SLCO3A1: variants seen among roughly 807,000 people sequenced by gnomAD.
The protein encoded by SLCO3A1 is PGE1 transporter.
Under a neutral mutation model 63.1 loss-of-function variants are expected in SLCO3A1, and 27 were observed. The ratio of observed to expected loss-of-function variants is 0.43; its 90% CI spans 0.32 to 0.59. The LOEUF (loss-of-function observed/expected upper bound fraction) is 0.59, where lower values mean the gene tolerates loss of function less well. Ranked by LOEUF, SLCO3A1 falls within the 20% of genes least tolerant of loss-of-function variation. The pLI is 0.09. For missense variants in SLCO3A1, 773 were observed against 945.8 expected, an observed-to-expected ratio of 0.82 and a Z score of 2.40; for synonymous variants, 473 against 409.9, an observed-to-expected ratio of 1.15 and a Z score of -1.86.
chr15:91,858,601 C>T (rs1480822843), intron 1 of SLCO3A1, among the ~76,000 whole-genome samples: 1 of 152,202 alleles, frequency 6.6e-6, no homozygotes, highest in African/African-American at 2.4e-5. Context: ...ATTTTAGACA[C>T]CTTATGAAAA....
At chr15:91,976,854 G>A (rs1294651440) in intron 2 of SLCO3A1, among the ~76,000 whole-genome samples, 1 of 152,094 alleles carries the variant, frequency 6.6e-6, no homozygotes. Flanking sequence ...ACTTTACAAG[G>A]TAATAGAATA....
intron 2 of SLCO3A1, among the ~76,000 whole-genome samples, chr15:92,079,193 T>A (rs541795059): frequency 6.6e-6 from 1 of 152,138 alleles, no homozygotes; most frequent in Non-Finnish European, 1.5e-5. Context: ...TGCATTCACG[T>A]TGGATGGCCC....
At chr15:92,108,654 C>T (rs1057066012) in intron 4 of SLCO3A1, among the ~76,000 whole-genome samples, 1 of 152,238 alleles carries the variant, frequency 6.6e-6, no homozygotes, top group Admixed American at 6.5e-5. Flanking sequence ...CCTTGATGGA[C>T]ATGACGAGGG....
chr15:92,072,693 G>A (rs1015904225), intron 2 of SLCO3A1, among the ~76,000 whole-genome samples: 3 of 152,082 alleles, frequency 2.0e-5, no homozygotes, highest in African/African-American at 7.2e-5. Context: ...AGATCCAGGC[G>A]TTCCTTGGTC....
At chr15:91,922,937 G>T (rs774244884) in intron 2 of SLCO3A1, among the ~76,000 whole-genome samples, 5 of 152,138 alleles carry the variant, frequency 3.3e-5, no homozygotes, top group Non-Finnish European at 7.3e-5. Context: ...TGGGCTGATA[G>T]GTGTTTCTCA....
chr15:92,025,743 T>C (rs1013579481), intron 2 of SLCO3A1, among the ~76,000 whole-genome samples: 1 of 152,158 alleles, frequency 6.6e-6, no homozygotes, highest in African/African-American at 2.4e-5. Context: ...CTCTTCTCAG[T>C]CAGCAAAGGC....
At position 91,953,187 on chromosome 15, in the gene SLCO3A1, G is replaced by A. The variant is rs144266114; in HGVS notation, c.646+36729G>A. ...AACATCTATATATAAAGTGGCTAAC[G>A]TAAGATAAACTGTCATCTTAGAAAG... On this transcript the variant is annotated intron_variant, in intron 2 of 9. Transcript: ENST00000318445. Among the ~76,000 whole-genome samples, 4 of 152,286 alleles carry A rather than the reference G, an allele frequency of 2.6e-5. No homozygotes were observed. In the East Asian group the frequency reaches 5.8e-4, roughly 22 times the overall value.
intron 1 of SLCO3A1, among the ~76,000 whole-genome samples, chr15:91,857,029 CGTGTGT>C (rs58042356): frequency 0.048 from 6,678 of 139,010 alleles, 159 homozygotes; most frequent in Non-Finnish European, 0.058. Flanking sequence ...AAGGAGGACT[CGTGTGT>C]GTGTGTGTGT....
chr15:91,867,581 G>A (rs1403438235), intron 1 of SLCO3A1, among the ~76,000 whole-genome samples: 2 of 151,736 alleles, frequency 1.3e-5, no homozygotes, highest in South Asian at 4.1e-4. Context: ...TTTAAAGCTG[G>A]TAACAGAACA....
intron 2 of SLCO3A1, among the ~76,000 whole-genome samples, chr15:91,957,000 T>TA (rs1491096636): frequency 1.9e-4 from 5 of 25,846 alleles, no homozygotes; most frequent in African/African-American, 2.7e-4. Flanking sequence ...ATAGTATATA[T>TA]TATATATATA....
At chr15:91,898,926 C>T (rs1051652550) in intron 1 of SLCO3A1, among the ~76,000 whole-genome samples, 5 of 152,106 alleles carry the variant, frequency 3.3e-5, no homozygotes, top group Non-Finnish European at 5.9e-5. Context: ...CTCCTATCAC[C>T]CAGTCACAAC....
rs940852831 is a variant in SLCO3A1 at position 91,885,878 on chromosome 15, T to C, written c.181-30115T>C. 6.6e-6 allele frequency among the ~76,000 whole-genome samples: 1 copy of C among 152,166 alleles called. No homozygotes were observed. Among genetic ancestry groups the C allele is most frequent in the Admixed American group, 6.5e-5 (1 of 15,280 alleles). On this transcript the variant is annotated intron_variant, in intron 1 of 9. Transcript: ENST00000318445. This position sits in a 1 kb window ranked among gnomAD's most constrained non-coding sequence, Gnocchi z 4.7. ...TATATAACTATTTGGAGCAAGAATG[T>C]TTCAGGCAGAGGGACTAGGAAGTGC... is the stretch of plus-strand genomic sequence containing the variant.
At chr15:91,896,714 T>C (rs1395187270) in intron 1 of SLCO3A1, among the ~76,000 whole-genome samples, 1 of 152,196 alleles carries the variant, frequency 6.6e-6, no homozygotes, top group East Asian at 1.9e-4. Flanking sequence ...TTAAACCTCT[T>C]TTTCTTTACG....
intron 2 of SLCO3A1, among the ~76,000 whole-genome samples, chr15:91,953,003 T>A (rs55915922): frequency 0.058 from 8,748 of 152,124 alleles, 365 homozygotes; most frequent in Non-Finnish European, 0.086. Context: ...GCTCTGAAAA[T>A]TAGATCAAAG....
chr15:92,120,289 A>G (rs1244992345), intron 4 of SLCO3A1, among the ~76,000 whole-genome samples, 176 bp from the exon 5 acceptor site: 3 of 152,176 alleles, frequency 2.0e-5, no homozygotes, highest in Non-Finnish European at 4.4e-5. Context: ...GAGATTTCAC[A>G]ATCATGGATG....
intron 1 of SLCO3A1, among the ~76,000 whole-genome samples, chr15:91,855,550 G>A (rs919001969): frequency 6.6e-6 from 1 of 152,166 alleles, no homozygotes; most frequent in Non-Finnish European, 1.5e-5. Context: ...CTTGTTTTCT[G>A]TTCTATAAAA....
At chr15:91,970,092 AC>A (rs1263032194) in intron 2 of SLCO3A1, among the ~76,000 whole-genome samples, 1 of 152,016 alleles carries the variant, frequency 6.6e-6, no homozygotes, top group Non-Finnish European at 1.5e-5. Context: ...CTAGCAGAAA[AC>A]AAAACAAAAA....
chr15:92,068,179 G>A (rs373890706), intron 2 of SLCO3A1, among the ~76,000 whole-genome samples: 29 of 152,204 alleles, frequency 1.9e-4, no homozygotes, highest in African/African-American at 6.5e-4. Context: ...TGGTGCAGGC[G>A]TGATAGAGCG....
chr15:92,140,833 T>C (rs1197075901), intron 7 of SLCO3A1, among the ~76,000 whole-genome samples: 1 of 152,232 alleles, frequency 6.6e-6, no homozygotes, highest in Non-Finnish European at 1.5e-5. Flanking sequence ...ATTTGCTTGG[T>C]AGATCTTCCT....
Sources: gnomAD v4.1 joint callset for allele counts (sites outside exome capture counted in the v4.1 genomes callset) on GRCh38, gnomAD v4.1.1 for gene constraint, Gnocchi (gnomAD v3.1) non-coding constraint, MANE v1.5 for transcripts, NCBI Gene and HGNC (gene_info 2026-07-23, HGNC 2026-07-21) for gene names.